MYO5C: variants seen among roughly 807,000 people sequenced by gnomAD.
MYO5C encodes the protein myosin VC, also known as unconventional myosin-Vc.
In MYO5C, 194 loss-of-function variants were observed where a neutral mutation model predicts 235.7. The ratio of observed to expected loss-of-function variants is 0.82; its 90% CI spans 0.73 to 0.93. The LOEUF (loss-of-function observed/expected upper bound fraction) is 0.93, where lower values mean the gene tolerates loss of function less well. MYO5C is among the 40% of genes least tolerant of loss of function. MYO5C has a pLI of 0.00. For synonymous variants in MYO5C, 707 were observed against 754.8 expected (o/e 0.94, Z 1.04); for missense variants, 2,038 against 2,127.2 (o/e 0.96, Z 0.82).
rs2037487513 is a variant in MYO5C, at chr15:52,295,648, G to T, written c.-12C>A. 3 of 1,460,384 alleles carry T rather than the reference G, an allele frequency of 2.1e-6. No individual in the cohort carries two copies. The highest frequency in any genetic ancestry group is 2.7e-6 in the Non-Finnish European group (3 of 1,109,354). The allele number at this position is 1,460,384 out of a possible 1,614,324, so 90.5% of individuals were successfully genotyped here. A position where few individuals can be genotyped will look rare whatever the true frequency, so the allele number is the denominator to read the frequency against. The stretch of plus-strand genomic sequence containing the variant: ...TCGGCCACCGCCATGGGCAGGAGGG[G>T]CCGGGGCCAGGCCGGGGCTGCCGAA... On this transcript the variant is annotated 5_prime_UTR_variant, in exon 1 of 41. Coordinates refer to ENST00000261839, the MANE Select transcript of MYO5C (RefSeq NM_018728.4).
At chr15:52,229,093 C>T (rs542466259) in intron 25 of MYO5C, 40 bp downstream of exon 25, 51 of 1,608,164 alleles carry the variant, frequency 3.2e-5, no homozygotes, top group South Asian at 2.3e-4. Flanking sequence ...AATCAAATGA[C>T]GTAACCAGAG....
Position 52,193,274 on chromosome 15 carries a change from C to T in MYO5C, c.*628G>A, listed in dbSNP as rs921205330. Reference sequence around the variant, plus strand: ...GTTGCAATAAGCCGAGATCATGCCACTACACTCCAGCCTGGCGATAGAGCG... The same window carrying T: ...GTTGCAATAAGCCGAGATCATGCCATTACACTCCAGCCTGGCGATAGAGCG... On this transcript the variant is annotated 3_prime_UTR_variant, in exon 41 of 41. Coordinates refer to ENST00000261839, the MANE Select transcript of MYO5C (RefSeq NM_018728.4). The T allele has an allele frequency of 5.5e-5, 8 of 145,586 alleles. No individual in the cohort carries two copies. The highest frequency in any genetic ancestry group is 2.1e-4 in the African/African-American group (8 of 38,450). The allele number at this position is 145,586 out of a possible 1,614,324, so 9.0% of individuals were successfully genotyped here.
Position 52,239,952 on chromosome 15 carries a change from A to T in MYO5C, c.2557-73T>A, listed in dbSNP as rs2036175986. Reference sequence around the variant, plus strand: ...TCTAACCAACTCCTTCAACACTGGAAGATGCAACTACCACGGTGTAGAAAA... The same window carrying T: ...TCTAACCAACTCCTTCAACACTGGATGATGCAACTACCACGGTGTAGAAAA... On this transcript the variant is annotated intron_variant, in intron 20 of 40. Coordinates refer to ENST00000261839, the MANE Select transcript of MYO5C (RefSeq NM_018728.4). 14 of 1,458,146 alleles carry T rather than the reference A, an allele frequency of 9.6e-6. No homozygotes were observed. The South Asian group carries it at 1.7e-4, about 18-fold the overall frequency. The allele number at this position is 1,458,146 out of a possible 1,614,324, so 90.3% of individuals were successfully genotyped here.
At chr15:52,239,964 C>G (rs958455804) in intron 20 of MYO5C, 85 bp from the exon 21 acceptor site, 54 of 1,392,436 alleles carry the variant, frequency 3.9e-5, no homozygotes, top group Non-Finnish European at 4.8e-5. Context: ...ATGCAACTAC[C>G]ACGGTGTAGA....
At chr15:52,287,601 G>A (rs1480017407) in intron 1 of MYO5C, among the ~76,000 whole-genome samples, 1 of 152,092 alleles carries the variant, frequency 6.6e-6, no homozygotes, top group Non-Finnish European at 1.5e-5. Context: ...TCAAGAATTG[G>A]CCACTACAGA....
chr15:52,226,576 A>C (rs1338429685), intron 25 of MYO5C, among the ~76,000 whole-genome samples: 3 of 152,246 alleles, frequency 2.0e-5, no homozygotes, highest in Non-Finnish European at 2.9e-5. Context: ...TGTGCTGAGC[A>C]CTTTACCTAG....
At chr15:52,275,466 A>C in intron 5 of MYO5C, 96 bp downstream of exon 5, 1 of 1,484,910 alleles carries the variant, frequency 6.7e-7, no homozygotes, top group Non-Finnish European at 9.3e-7. Context: ...TTTAGTCTTT[A>C]AAGGGTGGGA....
chr15:52,269,616 C>A (rs541640425), intron 8 of MYO5C, 137 bp downstream of exon 8: 4 of 613,404 alleles, frequency 6.5e-6, no homozygotes, highest in Admixed American at 5.5e-5. Context: ...TGGTCTCAAT[C>A]TCCTGACCTT....
At chr15:52,274,444 A>AT (rs1428023318) in intron 5 of MYO5C, among the ~76,000 whole-genome samples, 5 of 151,904 alleles carry the variant, frequency 3.3e-5, no homozygotes, top group Non-Finnish European at 5.9e-5. Context: ...TACCTGGCTA[A>AT]TTTTTTGTAT....
intron 1 of MYO5C, among the ~76,000 whole-genome samples, chr15:52,284,022 T>C (rs116379066): frequency 0.056 from 8,526 of 152,174 alleles, 462 homozygotes; most frequent in African/African-American, 0.14. Flanking sequence ...GAGTTTGATG[T>C]ATTTTTCTAC....
intron 25 of MYO5C, among the ~76,000 whole-genome samples, chr15:52,227,824 A>G (rs2035863165): frequency 6.6e-6 from 1 of 152,228 alleles, no homozygotes; most frequent in Non-Finnish European, 1.5e-5. Flanking sequence ...CCCGGATGCA[A>G]TTCCAAAAGC....
At chr15:52,274,105 T>C (rs756798279) in intron 5 of MYO5C, among the ~76,000 whole-genome samples, 1 of 152,194 alleles carries the variant, frequency 6.6e-6, no homozygotes, top group Non-Finnish European at 1.5e-5. Flanking sequence ...CAGGTCATCA[T>C]GCTGCCTGCC....
In MYO5C at chr15:52,275,684, C is replaced by A; in HGVS notation, c.484G>T (p.Glu162Ter). The A allele has an allele frequency of 1.9e-6, 3 of 1,614,194 alleles. No individual in the cohort carries two copies. The highest frequency in any genetic ancestry group is 1.7e-6 in the Non-Finnish European group (2 of 1,180,018). Reference protein sequence around the residue: ...NRNQSIIVSGESGAGKTVSAR... With the variant: ...NRNQSIIVSG ...GACACTGTCTTTCCAGCACCTGACT[C>A]CCCACTTACAATTATGGACTGGTTT... Residue 162 changes from glutamate (E) to a stop codon, truncating the protein, a stop_gained, in exon 5 of 41, where the codon GAG (glutamate) becomes TAG (stop). Transcript: ENST00000261839. LOFTEE classifies it high-confidence loss of function.
chr15:52,206,460 C>A (rs981205281), intron 36 of MYO5C, among the ~76,000 whole-genome samples: 4 of 152,014 alleles, frequency 2.6e-5, no homozygotes, highest in Non-Finnish European at 5.9e-5. Context: ...GGAGATGGGG[C>A]CTTTAGGGAG....
At chr15:52,210,885 C>T (rs1011050) in intron 35 of MYO5C, among the ~76,000 whole-genome samples, 72,554 of 152,130 alleles carry the variant, frequency 0.48, 20,699 homozygotes, top group Non-Finnish European at 0.65. Flanking sequence ...CACAAAATCC[C>T]GCCCTTTGTC....
rs2036295768 is a variant in MYO5C at position 52,244,457 on chromosome 15, T to C, written c.2289A>G (p.Val763=). 6.2e-7 allele frequency: 1 copy of C among 1,614,210 alleles called. No homozygotes were observed. Among genetic ancestry groups the C allele is most frequent in the African/African-American group, 1.3e-5 (1 of 75,064 alleles). The stretch of plus-strand genomic sequence containing the variant: ...GGAGCCAGCCACGCATGTGCTTTTG[T>C]ACCATAACACAACTCTGCCTCAGTT... The part of the protein sequence containing the change: ...LDKLRQSCVM[V]QKHMRGWLQR... Residue 763 remains valine, a synonymous_variant, in exon 19 of 41, where the codon GTA becomes GTG. Transcript: ENST00000261839.
intron 25 of MYO5C, among the ~76,000 whole-genome samples, chr15:52,226,131 G>A (rs1403058285): frequency 2.6e-5 from 4 of 152,032 alleles, no homozygotes; most frequent in African/African-American, 4.8e-5. Context: ...TGGGACAGGG[G>A]GAAGACTGAG....
intron 4 of MYO5C, among the ~76,000 whole-genome samples, chr15:52,277,605 T>G (rs1259043335): frequency 6.6e-6 from 1 of 152,050 alleles, no homozygotes; most frequent in Non-Finnish European, 1.5e-5. Context: ...CTGTTAGAAG[T>G]GCTTTGTGGG....
intron 20 of MYO5C, among the ~76,000 whole-genome samples, 153 bp downstream of exon 20, chr15:52,241,895 G>C (rs1335969210): frequency 1.3e-5 from 2 of 152,182 alleles, no homozygotes; most frequent in Admixed American, 6.5e-5. Flanking sequence ...ACAGGCATGA[G>C]CCACAGCACC....
Sources: gnomAD v4.1 joint callset for allele counts (sites outside exome capture counted in the v4.1 genomes callset) on GRCh38, gnomAD v4.1.1 for gene constraint, MANE v1.5 for transcripts, NCBI Gene and HGNC (gene_info 2026-07-23, HGNC 2026-07-21) for gene names.